Variants in SPAG16 observed in about 807,000 individuals in gnomAD.
SPAG16 encodes the protein sperm-associated antigen 16 protein.
SPAG16 carries 86 observed loss-of-function variants against 80.4 expected under a neutral mutation model. The observed-to-expected ratio is 1.07, with a 90% CI of 0.90 to 1.28. SPAG16 has a LOEUF of 1.28. Among genes scored for constraint, SPAG16 ranks in the 50% most tolerant of loss-of-function variants. The pLI, the probability that SPAG16 is intolerant of heterozygous loss-of-function variation, is 0.00. For synonymous variants in SPAG16, 294 were observed against 265.9 expected, an observed-to-expected ratio of 1.11 and a Z score of -1.03; for missense variants, 870 against 765.3, an observed-to-expected ratio of 1.14 and a Z score of -1.61.
intron 13 of SPAG16, among the ~76,000 whole-genome samples, chr2:214,081,727 G>A (rs1348130375): frequency 1.3e-5 from 2 of 152,132 alleles, no homozygotes; most frequent in South Asian, 2.1e-4. Flanking sequence ...TGTTATGACA[G>A]CCCTAGGAAA....
At chr2:214,212,371 T>G (rs541509715) in intron 15 of SPAG16, among the ~76,000 whole-genome samples, 1 of 152,248 alleles carries the variant, frequency 6.6e-6, no homozygotes, top group African/African-American at 2.4e-5. Context: ...GACCTCCCTA[T>G]GATATTAATT....
chr2:214,149,410 A>T, intron 15 of SPAG16, 144 bp downstream of exon 15: 1 of 703,172 alleles, frequency 1.4e-6, no homozygotes, highest in Non-Finnish European at 2.0e-6. Context: ...ACATTAAGAT[A>T]TATTTTATCA....
chr2:214,160,962 T>G (rs778813411), intron 15 of SPAG16, among the ~76,000 whole-genome samples: 1 of 152,118 alleles, frequency 6.6e-6, no homozygotes, highest in Non-Finnish European at 1.5e-5. Context: ...AGTTTACTGA[T>G]TTCATCTAGA....
At chr2:213,942,029 G>C (rs1439439601) in intron 12 of SPAG16, among the ~76,000 whole-genome samples, 2 of 151,994 alleles carry the variant, frequency 1.3e-5, no homozygotes, top group Non-Finnish European at 2.9e-5. Context: ...ATAATTAATT[G>C]TTTACACCAT....
chr2:214,172,345 G>T (rs1175229903), intron 15 of SPAG16, among the ~76,000 whole-genome samples: 1 of 151,898 alleles, frequency 6.6e-6, no homozygotes, highest in East Asian at 1.9e-4. Flanking sequence ...AACATGCGGT[G>T]TTTGGTTTTT....
intron 6 of SPAG16, among the ~76,000 whole-genome samples, chr2:213,340,669 A>G (rs1265064431): frequency 6.6e-6 from 1 of 152,174 alleles, no homozygotes; most frequent in East Asian, 1.9e-4. Flanking sequence ...ATGAAAAAAC[A>G]TGTTACGTTC....
chr2:213,868,167 C>T (rs187964653), intron 11 of SPAG16, among the ~76,000 whole-genome samples: 3 of 152,092 alleles, frequency 2.0e-5, no homozygotes, highest in Admixed American at 2.0e-4. Context: ...TGTATGTTAT[C>T]TAACTCTTCT....
At chr2:213,998,060 T>C (rs1388055717) in intron 12 of SPAG16, among the ~76,000 whole-genome samples, 1 of 152,232 alleles carries the variant, frequency 6.6e-6, no homozygotes, top group Non-Finnish European at 1.5e-5. Context: ...TCTATAGTCT[T>C]TACTGGGCAA....
chr2:214,350,282 C>A (rs981568129), intron 15 of SPAG16, among the ~76,000 whole-genome samples: 1 of 152,226 alleles, frequency 6.6e-6, no homozygotes. Flanking sequence ...TCTTTCCTCT[C>A]TTCTCGGACT....
chr2:214,160,033 C>A (rs1010253615), intron 15 of SPAG16, among the ~76,000 whole-genome samples: 5 of 151,928 alleles, frequency 3.3e-5, no homozygotes, highest in African/African-American at 1.2e-4. Flanking sequence ...AGAAAATACT[C>A]TATTTACAAA....
At chr2:213,580,350 T>A (rs895054744) in intron 10 of SPAG16, among the ~76,000 whole-genome samples, 3 of 152,132 alleles carry the variant, frequency 2.0e-5, no homozygotes, top group African/African-American at 7.2e-5. Context: ...TTCTGAAGCC[T>A]TCTGTGTCAT....
At chr2:213,990,878 G>A (rs575794049) in intron 12 of SPAG16, among the ~76,000 whole-genome samples, 20 of 152,094 alleles carry the variant, frequency 1.3e-4, no homozygotes, top group Non-Finnish European at 2.5e-4. Context: ...GAATTTTGCC[G>A]CTTGAACCAC....
chr2:213,635,319 G>A (rs922126751), intron 10 of SPAG16, among the ~76,000 whole-genome samples: 1 of 152,130 alleles, frequency 6.6e-6, no homozygotes, highest in Admixed American at 6.5e-5. Context: ...ACAGGCGTGA[G>A]CCACCATGCC....
At chr2:213,453,865 C>T (rs2071846698) in intron 9 of SPAG16, among the ~76,000 whole-genome samples, 1 of 152,176 alleles carries the variant, frequency 6.6e-6, no homozygotes, top group South Asian at 2.1e-4. Context: ...ATGTTGTTGG[C>T]TGTTGTGTCC....
At chr2:214,205,518 TTAAAC>T (rs1423310498) in intron 15 of SPAG16, among the ~76,000 whole-genome samples, 1 of 152,186 alleles carries the variant, frequency 6.6e-6, no homozygotes, top group Non-Finnish European at 1.5e-5. Context: ...AAATATAACT[TTAAAC>T]TACACAGTCA....
intron 15 of SPAG16, among the ~76,000 whole-genome samples, chr2:214,393,589 C>T (rs954807030): frequency 2.6e-5 from 4 of 151,680 alleles, no homozygotes; most frequent in Admixed American, 2.6e-4. Flanking sequence ...AATTGTTATA[C>T]ATATCAAGAT....
chr2:213,796,932 A>G (rs199588897), intron 10 of SPAG16, among the ~76,000 whole-genome samples: 11 of 28,348 alleles, frequency 3.9e-4, no homozygotes, highest in African/African-American at 6.3e-4. Context: ...TATTTCTCCT[A>G]AAGACCTTTT....
At chr2:214,010,362 T>C (rs1357998349) in intron 12 of SPAG16, among the ~76,000 whole-genome samples, 1 of 146,068 alleles carries the variant, frequency 6.8e-6, no homozygotes, top group Admixed American at 6.7e-5. Context: ...CTAAACAAAA[T>C]AAATGGACTA....
chr2:214,100,582 G>T (rs1392013148), intron 13 of SPAG16, among the ~76,000 whole-genome samples: 2 of 151,718 alleles, frequency 1.3e-5, no homozygotes, highest in Non-Finnish European at 2.9e-5. Flanking sequence ...CCCTTCTTTG[G>T]GTCTATGTGT....
Sources: gnomAD v4.1 joint callset for allele counts (sites outside exome capture counted in the v4.1 genomes callset) on GRCh38, gnomAD v4.1.1 for gene constraint, MANE v1.5 for transcripts, NCBI Gene and HGNC (gene_info 2026-07-23, HGNC 2026-07-21) for gene names.